Variants in FARS2 observed in about 807,000 individuals in gnomAD.
FARS2 encodes phenylalanine--tRNA ligase, mitochondrial.
A neutral mutation model predicts 46.4 loss-of-function variants in FARS2; 40 were observed. That is an observed-to-expected ratio of 0.86 (90% CI 0.67 to 1.12). The LOEUF (loss-of-function observed/expected upper bound fraction) is 1.12. FARS2 is among the 50% of genes most tolerant of loss of function. The pLI is 0.00. For synonymous variants in FARS2, 234 were observed against 214.9 expected (o/e 1.09, Z -0.78); for missense variants, 513 against 567.9 (o/e 0.90, Z 0.98).
At chr6:5,341,497 G>T (rs187430167) in intron 1 of FARS2, among the ~76,000 whole-genome samples, 12 of 150,774 alleles carry the variant, frequency 8.0e-5, no homozygotes, top group African/African-American at 2.7e-4. Context: ...TTTTTATCAT[G>T]ACTTTATTTA....
At chr6:5,444,506 GA>G (rs1764060471) in intron 4 of FARS2, among the ~76,000 whole-genome samples, 1 of 134,606 alleles carries the variant, frequency 7.4e-6, no homozygotes, top group African/African-American at 3.0e-5. Flanking sequence ...GAGAGAGAGA[GA>G]GAGAGAGGAA....
intron 6 of FARS2, among the ~76,000 whole-genome samples, chr6:5,645,818 A>G (rs187440168): frequency 6.6e-6 from 1 of 152,200 alleles, no homozygotes; most frequent in African/African-American, 2.4e-5. Flanking sequence ...CGGGCCTCAT[A>G]TGTTTTCAGA....
intron 1 of FARS2, among the ~76,000 whole-genome samples, chr6:5,268,373 A>AT (rs1765699370): frequency 6.6e-6 from 1 of 152,148 alleles, no homozygotes; most frequent in South Asian, 2.1e-4. Context: ...TCTCACATTA[A>AT]TTTTTGTATA....
chr6:5,356,707 C>CA (rs2127617362), intron 1 of FARS2, among the ~76,000 whole-genome samples: 1 of 151,624 alleles, frequency 6.6e-6, no homozygotes, highest in East Asian at 1.9e-4. Context: ...GATTATTTGA[C>CA]AAAAATGTGA....
chr6:5,368,666 G>A lies in FARS2; in HGVS notation c.96G>A (p.Trp32Ter). Residue 32 changes from tryptophan (W) to a stop codon, truncating the protein, a stop_gained, in exon 2 of 7, where the codon TGG becomes TGA. Transcript: ENST00000274680. LOFTEE classifies it high-confidence loss of function. ...CCAGAGGCCATCAGCACCAGGCCTGGGGATCGAGGCCTCCTGCAGCAGAGT... is the reference window on the plus strand; with the variant it reads ...CCAGAGGCCATCAGCACCAGGCCTGAGGATCGAGGCCTCCTGCAGCAGAGT... ...HISRGHQHQA[W>*]GSRPPAAECA... The A allele has an allele frequency of 6.2e-7, 1 of 1,614,162 alleles. No homozygotes were observed. The highest frequency in any genetic ancestry group is 1.3e-5 in the African/African-American group (1 of 75,036).
At chr6:5,717,996 C>T (rs1759640881) in intron 6 of FARS2, among the ~76,000 whole-genome samples, 2 of 149,212 alleles carry the variant, frequency 1.3e-5, no homozygotes, top group South Asian at 4.2e-4. Context: ...CTCACTGCAA[C>T]CTCCATCTCC....
intron 1 of FARS2, among the ~76,000 whole-genome samples, chr6:5,341,221 ATATATATATATATATTT>A (rs1419254680): frequency 8.0e-4 from 4 of 4,986 alleles, no homozygotes; most frequent in South Asian, 8.5e-3. Flanking sequence ...ATATATATAT[ATATATATATATATATTT>A]TTTTTTTTTT....
intron 4 of FARS2, among the ~76,000 whole-genome samples, chr6:5,522,537 G>C (rs1014791409): frequency 6.6e-6 from 1 of 152,252 alleles, no homozygotes; most frequent in Non-Finnish European, 1.5e-5. Context: ...TTTTGTTATA[G>C]AAGTTTCATG....
chr6:5,561,260 A>G (rs984616845), intron 5 of FARS2, among the ~76,000 whole-genome samples: 1 of 152,184 alleles, frequency 6.6e-6, no homozygotes, highest in African/African-American at 2.4e-5. Flanking sequence ...ATATTTTATC[A>G]AATTTTACAC....
intron 4 of FARS2, among the ~76,000 whole-genome samples, chr6:5,524,525 C>G (rs1769342630): frequency 6.6e-6 from 1 of 151,674 alleles, no homozygotes; most frequent in Admixed American, 6.6e-5. Flanking sequence ...AGAGCATGTT[C>G]ATTGCTACTT....
At chr6:5,584,108 G>GACACACACACACACACACACAC (rs143867485) in intron 5 of FARS2, among the ~76,000 whole-genome samples, 4,435 of 122,764 alleles carry the variant, frequency 0.036, 229 homozygotes, top group East Asian at 0.073. Context: ...TTCTCTCTCT[G>GACACACACACACACACACACAC]ACACACACAC....
chr6:5,256,491 G>GAAAAAAAAAAAAAAAA (rs1161084364), upstream of FARS2, among the ~76,000 whole-genome samples: 1 of 43,860 alleles, frequency 2.3e-5, no homozygotes, highest in Non-Finnish European at 3.6e-5. Flanking sequence ...ATTTCAACTG[G>GAAAAAAAAAAAAAAAA]AAAAAAAAAA....
intron 4 of FARS2, among the ~76,000 whole-genome samples, chr6:5,464,189 C>T (rs1432756154): frequency 6.6e-6 from 1 of 152,222 alleles, no homozygotes; most frequent in Non-Finnish European, 1.5e-5. Flanking sequence ...GTTAAGGGGC[C>T]AGCATTACAT....
At chr6:5,404,184 A>G (rs1295816571) in intron 2 of FARS2, among the ~76,000 whole-genome samples, 1 of 152,154 alleles carries the variant, frequency 6.6e-6, no homozygotes, top group African/African-American at 2.4e-5. Context: ...ACACTGTGGG[A>G]TGGTCAGGGA....
At chr6:5,768,698 G>A (rs1762870625) in intron 6 of FARS2, among the ~76,000 whole-genome samples, 1 of 152,116 alleles carries the variant, frequency 6.6e-6, no homozygotes, top group African/African-American at 2.4e-5. Flanking sequence ...GGTATCTCAT[G>A]GTGGTTTTGA....
chr6:5,261,066 T>G, upstream of FARS2: 1 of 598,240 alleles, frequency 1.7e-6, no homozygotes, highest in Non-Finnish European at 2.2e-6. Flanking sequence ...GGCGGGGAAA[T>G]AAGAGGACTG....
chr6:5,498,252 T>C (rs1278559691), intron 4 of FARS2, among the ~76,000 whole-genome samples: 1 of 152,264 alleles, frequency 6.6e-6, no homozygotes, highest in Non-Finnish European at 1.5e-5. Context: ...TAGTCAGTTC[T>C]GGATTATCTC....
Position 5,680,356 on chromosome 6 carries a change from C to G in FARS2, c.1217+67036C>G, listed in dbSNP as rs115427759. On this transcript the variant is annotated intron_variant, in intron 6 of 6. Transcript: ENST00000274680. ...GGGTTACGCATAAGCATCCACACCA[C>G]CAGCTTGGGCAGCTGTCACCTGCCA... is the stretch of plus-strand genomic sequence containing the variant. Among the ~76,000 whole-genome samples the G allele has an allele frequency of 8.6e-3, 1,317 of 152,296 alleles. 26 individuals are homozygous for G. Among genetic ancestry groups the G allele is most frequent in the African/African-American group, 0.03 (1,257 of 41,550 alleles).
intron 4 of FARS2, among the ~76,000 whole-genome samples, chr6:5,516,273 TTAGA>T (rs1768785966): frequency 1.3e-5 from 2 of 152,194 alleles, no homozygotes; most frequent in African/African-American, 4.8e-5. Flanking sequence ...CGTAGCCCCA[TTAGA>T]CTATAGAGGG....
Sources: gnomAD v4.1 joint callset for allele counts (sites outside exome capture counted in the v4.1 genomes callset) on GRCh38, gnomAD v4.1.1 for gene constraint, MANE v1.5 for transcripts, NCBI Gene and HGNC (gene_info 2026-07-23, HGNC 2026-07-21) for gene names.